Variants in CFAP54 observed in about 807,000 individuals in gnomAD.
CFAP54 encodes cilia- and flagella-associated protein 54.
CFAP54 carries 290 observed loss-of-function variants against 370.4 expected under a neutral mutation model. That is an observed-to-expected ratio of 0.78 (90% CI 0.71 to 0.86). The LOEUF is 0.86. Among genes scored for constraint, CFAP54 ranks in the 40% least tolerant of loss-of-function variants. The pLI, the probability that CFAP54 is intolerant of heterozygous loss-of-function variation, is 0.00. For synonymous variants in CFAP54, 1,206 were observed against 1,236.5 expected (o/e 0.98, Z 0.52); for missense variants, 3,399 against 3,528.7 (o/e 0.96, Z 0.93).
At chr12:96,738,964 T>C (rs760507057) in intron 50 of CFAP54, among the ~76,000 whole-genome samples, 1 of 152,224 alleles carries the variant, frequency 6.6e-6, no homozygotes. Context: ...CCCAGCCTAA[T>C]GTCCTCATTT....
At position 96,744,160 on chromosome 12, in the gene CFAP54, A is replaced by G; in HGVS notation, c.7684+14A>G. 3 of 1,592,628 alleles carry G rather than the reference A, an allele frequency of 1.9e-6. No homozygotes were observed. Among genetic ancestry groups the G allele is most frequent in the Non-Finnish European group, 1.7e-6 (2 of 1,166,306 alleles). ...AAATGAGAATTGGTAAGAACATTTA[A>G]ACTTATATTGCCCTAGAATAACTGA... On this transcript the variant is annotated intron_variant, in intron 55 of 67. Coordinates refer to ENST00000524981, the MANE Select transcript of CFAP54 (RefSeq NM_001306084.2).
intron 46 of CFAP54, among the ~76,000 whole-genome samples, chr12:96,704,497 TA>T (rs1957527209): frequency 4.0e-5 from 4 of 99,364 alleles, no homozygotes; most frequent in Non-Finnish European, 6.3e-5. Context: ...TATATATATA[TA>T]TATTTAAAAT....
intron 22 of CFAP54, among the ~76,000 whole-genome samples, chr12:96,581,408 A>G (rs975288451): frequency 3.3e-5 from 5 of 152,152 alleles, no homozygotes; most frequent in African/African-American, 9.7e-5. Flanking sequence ...CTGTTATCCT[A>G]TCATCCAGAG....
Position 96,589,503 on chromosome 12 carries a change from C to T in CFAP54, c.3152C>T (p.Pro1051Leu). The change falls in exon 23 of 68, where the codon CCA becomes CTA. Residue 1051 changes from proline to leucine, a missense_variant. Pro to Leu is a moderately conservative substitution (Grantham distance 98). Transcript: ENST00000524981. The stretch of plus-strand genomic sequence containing the variant: ...GTTTGGGATTATTTTGTTGCTTCGC[C>T]ACTTCAGGATGAACAATCTGTTATT... Reference protein sequence around the residue: ...SPVWDYFVASPLQDEQSVICL... With the variant: ...SPVWDYFVASLLQDEQSVICL... 1 of 1,505,814 alleles carries T rather than the reference C, an allele frequency of 6.6e-7. No homozygotes were observed. 93.3% of individuals were successfully genotyped at this position (1,505,814 alleles called of 1,614,324 possible). A position where few individuals can be genotyped will look rare whatever the true frequency, so the allele number is the denominator to read the frequency against.
chr12:96,703,372 C>G (rs1360996830), intron 46 of CFAP54, among the ~76,000 whole-genome samples: 1 of 152,126 alleles, frequency 6.6e-6, no homozygotes, highest in Non-Finnish European at 1.5e-5. Context: ...CTAGCCTCTC[C>G]TGAACATTCT....
At chr12:96,853,045 A>T (rs1959595610) in intron 66 of CFAP54, among the ~76,000 whole-genome samples, 1 of 152,166 alleles carries the variant, frequency 6.6e-6, no homozygotes, top group Non-Finnish European at 1.5e-5. Context: ...TTATTTTTAG[A>T]TATCCAATTA....
At chr12:96,640,813 C>T (rs1427054731) in intron 32 of CFAP54, among the ~76,000 whole-genome samples, 2 of 152,064 alleles carry the variant, frequency 1.3e-5, no homozygotes, top group Non-Finnish European at 2.9e-5. Context: ...CTGAGAAAAA[C>T]AAGCAATGGG....
chr12:96,507,198 C>A, intron 4 of CFAP54, 99 bp downstream of exon 4: 3 of 911,420 alleles, frequency 3.3e-6, no homozygotes, highest in Non-Finnish European at 4.6e-6. Context: ...TTAAAACATA[C>A]GCATTTCATA....
At chr12:96,636,689 C>A (rs1411037009) in intron 32 of CFAP54, among the ~76,000 whole-genome samples, 2 of 152,156 alleles carry the variant, frequency 1.3e-5, no homozygotes, top group Non-Finnish European at 2.9e-5. Flanking sequence ...GGCGTGGTGG[C>A]TCATGCTTGT....
intron 60 of CFAP54, 81 bp from the exon 61 acceptor site, chr12:96,784,635 GT>G: frequency 9.4e-7 from 1 of 1,061,460 alleles, no homozygotes; most frequent in Non-Finnish European, 1.3e-6. Flanking sequence ...TTTATGAGCT[GT>G]GCTTTTTTTC....
At chr12:96,612,322 A>G (rs1398743900) in intron 26 of CFAP54, among the ~76,000 whole-genome samples, 1 of 152,210 alleles carries the variant, frequency 6.6e-6, no homozygotes, top group African/African-American at 2.4e-5. Flanking sequence ...AAAATCCTTT[A>G]CAGACAAGCA....
Position 96,554,305 on chromosome 12 carries a change from G to A in CFAP54, c.2278G>A (p.Ala760Thr), listed in dbSNP as rs758176626. ...ATCATCAGTAATTGACCACTGCTAT[G>A]CCAAGGTAAGAATGGAAGAGTCTTA... Reference protein sequence around the residue: ...NGSSVIDHCYAKRTHHIDGDT... With the variant: ...NGSSVIDHCYTKRTHHIDGDT... The change falls in exon 16 of 68, where the codon GCC (alanine) becomes ACC (threonine). Residue 760 changes from alanine to threonine, a missense_variant. Coordinates refer to ENST00000524981, the MANE Select transcript of CFAP54 (RefSeq NM_001306084.2). The A allele has an allele frequency of 7.6e-5, 115 of 1,513,618 alleles. No homozygotes were observed. The African/African-American group carries it at 1.3e-3, about 17-fold the overall frequency. 93.8% of individuals were successfully genotyped at this position (1,513,618 alleles called of 1,614,324 possible). A position where few individuals can be genotyped will look rare whatever the true frequency, so the allele number is the denominator to read the frequency against.
At chr12:96,564,319 T>A in intron 17 of CFAP54, 149 bp from the exon 18 acceptor site, 1 of 485,144 alleles carries the variant, frequency 2.1e-6, no homozygotes, top group Non-Finnish European at 3.6e-6. Context: ...TGCATTATAG[T>A]AGATTTATAT....
In CFAP54 at chr12:96,554,258, T is replaced by C. The variant is rs1170089908; in HGVS notation, c.2231T>C (p.Met744Thr). The change falls in exon 16 of 68, where the codon ATG becomes ACG. Residue 744 changes from methionine to threonine, a missense_variant. Met to Thr is a moderately conservative substitution (Grantham distance 81). This residue lies in a region of CFAP54 where 2,796 missense variants were observed against 2,869.7 expected (regional missense o/e 0.97). Transcript: ENST00000524981. The stretch of plus-strand genomic sequence containing the variant: ...ATCGGTGGAATAAATTTGAATTGCA[T>C]GTTAACCTCTTTGCCAAATGGATCA... ...RAIGGINLNCMLTSLPNGSSV... is the reference protein window; with the variant it reads ...RAIGGINLNCTLTSLPNGSSV... 3.3e-6 allele frequency: 5 copies of C among 1,529,126 alleles called. No individual in the cohort carries two copies. The highest frequency in any genetic ancestry group is 2.7e-5 in the African/African-American group (2 of 72,764). The allele number at this position is 1,529,126 out of a possible 1,614,324, so 94.7% of individuals were successfully genotyped here. A position where few individuals can be genotyped will look rare whatever the true frequency, so the allele number is the denominator to read the frequency against.
chr12:96,500,775 A>C, intron 1 of CFAP54, 59 bp from the exon 2 acceptor site: 2 of 1,246,890 alleles, frequency 1.6e-6, no homozygotes, highest in South Asian at 2.7e-5. Context: ...ATTGCTTGCA[A>C]ATTAATTGGG....
intron 9 of CFAP54, among the ~76,000 whole-genome samples, chr12:96,528,032 A>C (rs1337985528): frequency 9.2e-5 from 14 of 151,910 alleles, no homozygotes. Context: ...CTTTTCTTGC[A>C]TTTCTTGATG....
chr12:96,637,677 T>C (rs1012580741), intron 32 of CFAP54, among the ~76,000 whole-genome samples: 7 of 152,152 alleles, frequency 4.6e-5, no homozygotes, highest in Non-Finnish European at 8.8e-5. Flanking sequence ...GCAATTAAGG[T>C]AGAAACCAAT....
chr12:96,533,835 A>T lies in CFAP54; in HGVS notation c.1401A>T (p.Thr467=), dbSNP rs1565887326. 9.8e-6 allele frequency: 15 copies of T among 1,529,678 alleles called. No individual in the cohort carries two copies. Among genetic ancestry groups the T allele is most frequent in the Non-Finnish European group, 1.3e-5 (15 of 1,145,318 alleles). The allele number at this position is 1,529,678 out of a possible 1,614,324, so 94.8% of individuals were successfully genotyped here. ...ATGGAATGCTTGATTTTCCAAAAAC[A>T]TCTCTTCTGGAACTTATGATAGGAA... ...GADGMLDFPK[T]SLLELMIGRK... The change falls in exon 10 of 68, where the codon ACA becomes ACT. Residue 467 remains threonine, a synonymous_variant. Coordinates refer to ENST00000524981, the MANE Select transcript of CFAP54 (RefSeq NM_001306084.2).
intron 44 of CFAP54, among the ~76,000 whole-genome samples, chr12:96,693,015 C>A (rs1042498451): frequency 6.6e-6 from 1 of 152,138 alleles, no homozygotes; most frequent in South Asian, 2.1e-4. Context: ...GTGGTTGGGC[C>A]ATTTGAAATA....
Sources: gnomAD v4.1 joint callset for allele counts (sites outside exome capture counted in the v4.1 genomes callset) on GRCh38, gnomAD v4.1.1 for gene constraint, gnomAD v4.1.1 regional missense constraint, MANE v1.5 for transcripts, NCBI Gene and HGNC (gene_info 2026-07-23, HGNC 2026-07-21) for gene names.